The following RAP1A variants were observed in gnomAD, a reference collection of about 807,000 sequenced individuals.
The protein encoded by RAP1A is ras-related protein Rap-1A.
In RAP1A, 6 loss-of-function variants were observed where a neutral mutation model predicts 26.4. The observed-to-expected ratio is 0.23, with a 90% CI of 0.12 to 0.45. The LOEUF (loss-of-function observed/expected upper bound fraction) is 0.45, where lower values mean the gene tolerates loss of function less well. RAP1A is among the 20% of genes least tolerant of loss of function. The pLI, the probability that RAP1A is intolerant of heterozygous loss-of-function variation, is 0.99. For synonymous variants in RAP1A, 73 were observed against 79.4 expected, an observed-to-expected ratio of 0.92 and a Z score of 0.43; for missense variants, 121 against 217.2, an observed-to-expected ratio of 0.56 and a Z score of 2.78.
intron 1 of RAP1A, among the ~76,000 whole-genome samples, chr1:111,670,149 C>G (rs1660927969): frequency 6.6e-6 from 1 of 151,996 alleles, no homozygotes; most frequent in African/African-American, 2.4e-5. Flanking sequence ...AAAGTGACCC[C>G]TAATGGAGGA....
At chr1:111,550,614 T>A (rs768657045) in intron 1 of RAP1A, among the ~76,000 whole-genome samples, 2 of 152,236 alleles carry the variant, frequency 1.3e-5, no homozygotes, top group Non-Finnish European at 2.9e-5. Flanking sequence ...AGAGTTTCTT[T>A]GTTTAATTTC....
intron 1 of RAP1A, among the ~76,000 whole-genome samples, chr1:111,553,642 A>T (rs74999591): frequency 0.031 from 4,709 of 152,194 alleles, 228 homozygotes; most frequent in African/African-American, 0.11. Flanking sequence ...TACTCAGCTG[A>T]ATATCTATTT....
At chr1:111,655,924 T>C (rs889950272) in intron 1 of RAP1A, among the ~76,000 whole-genome samples, 2 of 151,928 alleles carry the variant, frequency 1.3e-5, no homozygotes, top group Non-Finnish European at 2.9e-5. Context: ...TCTCCTGACC[T>C]TGTGATCCGC....
chr1:111,675,864 C>T (rs1048369038), intron 1 of RAP1A, among the ~76,000 whole-genome samples: 8 of 152,124 alleles, frequency 5.3e-5, no homozygotes, highest in Non-Finnish European at 2.9e-5. Context: ...ACAATCGTGA[C>T]AGAAGGCAAG....
chr1:111,705,725 A>C (rs1464654586), intron 6 of RAP1A, among the ~76,000 whole-genome samples: 1 of 152,254 alleles, frequency 6.6e-6, no homozygotes, highest in Non-Finnish European at 1.5e-5. Context: ...CTGGGGGAAC[A>C]AGTCTTTCAG....
intron 1 of RAP1A, among the ~76,000 whole-genome samples, chr1:111,576,384 A>G (rs1658147455): frequency 6.6e-6 from 1 of 152,216 alleles, no homozygotes; most frequent in African/African-American, 2.4e-5. Flanking sequence ...TAGAGATGGC[A>G]GTGCCACTTA....
chr1:111,630,403 C>A (rs2101102444), intron 1 of RAP1A, among the ~76,000 whole-genome samples: 1 of 152,234 alleles, frequency 6.6e-6, no homozygotes, highest in South Asian at 2.1e-4. Flanking sequence ...TTATTGAGTG[C>A]TTGATACTAT....
At chr1:111,645,816 A>G (rs1242511121) in intron 1 of RAP1A, among the ~76,000 whole-genome samples, 1 of 152,208 alleles carries the variant, frequency 6.6e-6, no homozygotes, top group Non-Finnish European at 1.5e-5. Flanking sequence ...CTAGATTCCA[A>G]AGTCTTGTGT....
intron 1 of RAP1A, among the ~76,000 whole-genome samples, chr1:111,601,530 G>T (rs1362471608): frequency 6.6e-6 from 1 of 152,170 alleles, no homozygotes; most frequent in African/African-American, 2.4e-5. Context: ...GTGGCTGAAG[G>T]TTGCTATTAC....
intron 1 of RAP1A, among the ~76,000 whole-genome samples, chr1:111,623,031 T>TG (rs1659270371): frequency 1.3e-5 from 2 of 152,166 alleles, no homozygotes; most frequent in Admixed American, 6.5e-5. Context: ...AATTAAATTT[T>TG]TTTTGAGACG....
At chr1:111,610,340 T>A (rs2101079390) in intron 1 of RAP1A, among the ~76,000 whole-genome samples, 1 of 152,350 alleles carries the variant, frequency 6.6e-6, no homozygotes, top group South Asian at 2.1e-4. Flanking sequence ...GAATCTGGTT[T>A]GAATTTGGAA....
rs561442577 is a variant in RAP1A, at chr1:111,583,568, T to G, written c.-28+41059T>G. ...AGTTTATTTTTAAAATACGCAGTCA[T>G]AGTTTCACAATTTCTATGTAAGTCT... On this transcript the variant is annotated intron_variant, in intron 1 of 7. Transcript: ENST00000356415. Among the ~76,000 whole-genome samples the G allele has an allele frequency of 1.8e-3, 267 of 152,226 alleles. 2 individuals carry two copies. The highest frequency in any genetic ancestry group is 3.6e-3 in the Non-Finnish European group (246 of 68,016).
intron 1 of RAP1A, among the ~76,000 whole-genome samples, chr1:111,645,864 G>T (rs1387018847): frequency 6.6e-6 from 1 of 152,184 alleles, no homozygotes; most frequent in Non-Finnish European, 1.5e-5. Context: ...CACCCTTGGA[G>T]TCGTGGGTTA....
At chr1:111,697,525 G>T (rs780848658) in intron 4 of RAP1A, 28 bp downstream of exon 4, 1 of 1,607,936 alleles carries the variant, frequency 6.2e-7, no homozygotes, top group African/African-American at 1.3e-5. Context: ...TTTTTTGATA[G>T]ATTTTAATTT....
chr1:111,666,486 A>T (rs974230484), intron 1 of RAP1A, among the ~76,000 whole-genome samples: 1 of 152,158 alleles, frequency 6.6e-6, no homozygotes, highest in African/African-American at 2.4e-5. Flanking sequence ...TTATAACAAC[A>T]TGGTAGTCAT....
In RAP1A at chr1:111,606,589, G is replaced by A. The variant is rs866236251; in HGVS notation, c.-28+64080G>A. ...CTGAGCCAAGAGTGTGCCCAGCCGT[G>A]CTTAGCACCATACAGGGAGTCTGCA... is the stretch of plus-strand genomic sequence containing the variant. On this transcript the variant is annotated intron_variant, in intron 1 of 7. Coordinates refer to the RAP1A transcript ENST00000356415. Among the ~76,000 whole-genome samples, 3 of 152,174 alleles carry A rather than the reference G, an allele frequency of 2.0e-5. No homozygotes were observed. The South Asian group carries it at 6.2e-4, about 32-fold the overall frequency.
intron 1 of RAP1A, among the ~76,000 whole-genome samples, chr1:111,563,625 G>T (rs2364815): frequency 0.27 from 40,933 of 152,088 alleles, 5,928 homozygotes; most frequent in Middle Eastern, 0.32. Flanking sequence ...TAACTTGTAT[G>T]TGTCAAACAC....
chr1:111,619,913 G>C lies in RAP1A; in HGVS notation c.-49G>C. ...GGAGGTGGAGGAGGTGGAGGAGGTG[G>C]AGGAGGCGCCGGACCGGGGGGGTGA... On this transcript the variant is annotated 5_prime_UTR_variant, in exon 1 of 8. Coordinates refer to ENST00000369709, the MANE Select transcript of RAP1A (RefSeq NM_002884.4). The C allele has an allele frequency of 2.5e-6, 1 of 396,980 alleles. No homozygotes were observed. Among genetic ancestry groups the C allele is most frequent in the Non-Finnish European group, 4.4e-6 (1 of 225,554 alleles). 24.6% of individuals were successfully genotyped at this position (396,980 alleles called of 1,614,324 possible). A position where few individuals can be genotyped will look rare whatever the true frequency, so the allele number is the denominator to read the frequency against.
intron 1 of RAP1A, among the ~76,000 whole-genome samples, chr1:111,551,643 A>C (rs1211550965): frequency 6.6e-6 from 1 of 152,200 alleles, no homozygotes; most frequent in Non-Finnish European, 1.5e-5. Context: ...ATTTTTAAAA[A>C]GGGAGTTACA....
Sources: gnomAD v4.1 joint callset for allele counts (sites outside exome capture counted in the v4.1 genomes callset) on GRCh38, gnomAD v4.1.1 for gene constraint, MANE v1.5 for transcripts, NCBI Gene and HGNC (gene_info 2026-07-23, HGNC 2026-07-21) for gene names.